SHISA9: variants seen among roughly 807,000 people sequenced by gnomAD.
SHISA9 encodes protein shisa-9.
In SHISA9, 13 loss-of-function variants were observed where a neutral mutation model predicts 38.0. The ratio of observed to expected loss-of-function variants is 0.34; its 90% CI spans 0.22 to 0.54. SHISA9 has a LOEUF of 0.54. Ranked by LOEUF, SHISA9 falls within the 20% of genes least tolerant of loss-of-function variation. The probability of loss-of-function intolerance (pLI) is 0.91; values close to 1 mark genes in which losing one functional copy is unlikely to be tolerated. For missense variants in SHISA9, 538 were observed against 575.8 expected, an observed-to-expected ratio of 0.93 and a Z score of 0.67; for synonymous variants, 275 against 242.0, an observed-to-expected ratio of 1.14 and a Z score of -1.27.
At chr16:13,096,218 T>C (rs539400333) in intron 2 of SHISA9, among the ~76,000 whole-genome samples, 2 of 152,344 alleles carry the variant, frequency 1.3e-5, no homozygotes, top group African/African-American at 4.8e-5. Flanking sequence ...GTGTAGGCCT[T>C]GTTTATAGTA....
chr16:13,215,871 A>G (rs1201932494), intron 4 of SHISA9, among the ~76,000 whole-genome samples: 2 of 152,114 alleles, frequency 1.3e-5, no homozygotes, highest in Non-Finnish European at 2.9e-5. Context: ...CCCACCTTCC[A>G]CATCCTGCCA....
intron 2 of SHISA9, among the ~76,000 whole-genome samples, chr16:13,100,134 C>T (rs2073864921): frequency 6.6e-6 from 1 of 152,150 alleles, no homozygotes; most frequent in South Asian, 2.1e-4. Context: ...TAGCTGATTC[C>T]TCAAGAGAAC....
the SHISA9 span, among the ~76,000 whole-genome samples, chr16:13,268,054 G>A: frequency 6.6e-6 from 1 of 151,952 alleles, no homozygotes; most frequent in African/African-American, 2.4e-5. Context: ...ACAAATTCAT[G>A]GGGGCACTTC....
chr16:13,319,966 G>T, the SHISA9 span, among the ~76,000 whole-genome samples: 1 of 152,146 alleles, frequency 6.6e-6, no homozygotes, highest in South Asian at 2.1e-4. Context: ...AGCCTGTTAA[G>T]ATGAAACTTT....
At chr16:13,379,508 T>C in the SHISA9 span, among the ~76,000 whole-genome samples, 1 of 152,194 alleles carries the variant, frequency 6.6e-6, no homozygotes, top group East Asian at 1.9e-4. Flanking sequence ...TGGCTGCTTC[T>C]AGGCACTGGA....
chr16:13,294,522 A>G, the SHISA9 span, among the ~76,000 whole-genome samples: 1 of 152,226 alleles, frequency 6.6e-6, no homozygotes, highest in African/African-American at 2.4e-5. Context: ...AAACCAGTGC[A>G]TCAATTCTGC....
the SHISA9 span, among the ~76,000 whole-genome samples, chr16:13,391,706 G>A: frequency 2.0e-5 from 3 of 152,144 alleles, no homozygotes; most frequent in Admixed American, 6.5e-5. Flanking sequence ...AGGCCCCCAG[G>A]TGACTCCATT....
Position 13,236,859 on chromosome 16 carries a change from C to G in SHISA9, c.*1450C>G, listed in dbSNP as rs1267150037. ...CCATGGTCCCTCCAAATTACCTCCCCACATACTTCATGTGTTCATCTCCCA... is the reference window on the plus strand; with the variant it reads ...CCATGGTCCCTCCAAATTACCTCCCGACATACTTCATGTGTTCATCTCCCA... On this transcript the variant is annotated 3_prime_UTR_variant, in exon 5 of 5. Transcript: ENST00000558583. The G allele has an allele frequency of 6.6e-6, 1 of 152,180 alleles. No individual in the cohort carries two copies. The highest frequency in any genetic ancestry group is 1.5e-5 in the Non-Finnish European group (1 of 68,044). The allele number at this position is 152,180 out of a possible 1,614,324, so 9.4% of individuals were successfully genotyped here.
chr16:13,079,126 T>C (rs889833844), intron 2 of SHISA9, among the ~76,000 whole-genome samples: 3 of 152,164 alleles, frequency 2.0e-5, no homozygotes, highest in African/African-American at 7.2e-5. Flanking sequence ...AAACATGGCA[T>C]GGAACCTATG....
At chr16:13,194,733 A>T (rs1024951886) in intron 2 of SHISA9, among the ~76,000 whole-genome samples, 1 of 152,222 alleles carries the variant, frequency 6.6e-6, no homozygotes, top group African/African-American at 2.4e-5. Context: ...CAAGAAGAGA[A>T]AAACACATTA....
intron 4 of SHISA9, among the ~76,000 whole-genome samples, chr16:13,233,017 T>G (rs923616899): frequency 1.3e-5 from 2 of 152,234 alleles, no homozygotes; most frequent in African/African-American, 2.4e-5. Flanking sequence ...ACTTTTTTTT[T>G]GCAGGGCCAT....
At chr16:13,415,430 A>G in the SHISA9 span, among the ~76,000 whole-genome samples, 6 of 152,146 alleles carry the variant, frequency 3.9e-5, no homozygotes, top group Non-Finnish European at 8.8e-5. Flanking sequence ...ACTGGGCCTT[A>G]TTGGAGGGAG....
the SHISA9 span, among the ~76,000 whole-genome samples, chr16:13,250,650 G>C: frequency 3.9e-5 from 6 of 152,076 alleles, no homozygotes; most frequent in East Asian, 1.9e-4. Context: ...GCACCCACCA[G>C]GTGCTTATAT....
At chr16:13,198,706 A>G (rs973229008) in intron 2 of SHISA9, among the ~76,000 whole-genome samples, 4 of 152,212 alleles carry the variant, frequency 2.6e-5, no homozygotes, top group Non-Finnish European at 5.9e-5. Context: ...AAACCTAGTC[A>G]CAAATGTCTG....
intron 2 of SHISA9, among the ~76,000 whole-genome samples, chr16:13,133,705 CT>C (rs1427031991): frequency 3.9e-5 from 6 of 152,178 alleles, no homozygotes; most frequent in African/African-American, 1.4e-4. Flanking sequence ...AGGCTATAGG[CT>C]TTGCTTTAAT....
chr16:13,293,864 T>C, the SHISA9 span, among the ~76,000 whole-genome samples: 2 of 152,178 alleles, frequency 1.3e-5, no homozygotes, highest in Non-Finnish European at 1.5e-5. Context: ...ATGGCAAAAA[T>C]TATGAGAGAA....
chr16:13,489,453 T>A, the SHISA9 span, among the ~76,000 whole-genome samples: 1 of 152,226 alleles, frequency 6.6e-6, no homozygotes, highest in East Asian at 1.9e-4. Flanking sequence ...CTTGGCTGTG[T>A]CTCAACTCAA....
intron 1 of SHISA9, chr16:12,909,110 G>A: frequency 1.0e-6 from 1 of 988,536 alleles, no homozygotes; most frequent in Non-Finnish European, 1.2e-6. Context: ...AGAAGTCCAT[G>A]TGTGCATGCA....
chr16:13,366,537 T>A, the SHISA9 span, among the ~76,000 whole-genome samples: 1 of 152,098 alleles, frequency 6.6e-6, no homozygotes, highest in Non-Finnish European at 1.5e-5. Context: ...GACCACACTG[T>A]GAGTAGCAAG....
Sources: allele counts gnomAD v4.1 joint callset (sites outside exome capture counted in the v4.1 genomes callset), GRCh38; gene constraint gnomAD v4.1.1; transcripts MANE v1.5; gene names NCBI Gene and HGNC (gene_info 2026-07-23, HGNC 2026-07-21).